ANKS1B: variants seen among roughly 807,000 people sequenced by gnomAD.
The protein encoded by ANKS1B is ankyrin repeat and sterile alpha motif domain containing 1B, also known as ankyrin repeat and sterile alpha motif domain-containing protein 1B.
Under a neutral mutation model 148.3 loss-of-function variants are expected in ANKS1B, and 36 were observed. That is an observed-to-expected ratio of 0.24 (90% CI 0.19 to 0.32). The LOEUF is 0.32. Ranked by LOEUF, ANKS1B falls within the 10% of genes least tolerant of loss-of-function variation. The pLI is 1.00. For missense variants in ANKS1B, 1,157 were observed against 1,542.6 expected, an observed-to-expected ratio of 0.75 and a Z score of 4.19; for synonymous variants, 542 against 560.8, an observed-to-expected ratio of 0.97 and a Z score of 0.47.
intron 9 of ANKS1B, among the ~76,000 whole-genome samples, chr12:99,604,290 T>C (rs1003505649): frequency 1.3e-5 from 2 of 152,206 alleles, no homozygotes; most frequent in Non-Finnish European, 2.9e-5. Flanking sequence ...TCCATAGATA[T>C]AACTTACAGG....
At chr12:99,659,161 C>T (rs1288703994) in intron 8 of ANKS1B, among the ~76,000 whole-genome samples, 1 of 152,020 alleles carries the variant, frequency 6.6e-6, no homozygotes, top group East Asian at 1.9e-4. Flanking sequence ...AGCACTGCCC[C>T]CTAAAGACAG....
intron 17 of ANKS1B, among the ~76,000 whole-genome samples, chr12:98,882,487 G>A (rs574285593): frequency 6.6e-6 from 1 of 152,260 alleles, no homozygotes; most frequent in South Asian, 2.1e-4. Flanking sequence ...AGCTATTGCT[G>A]CTTTGCTAGA....
chr12:99,343,550 C>T (rs2090236541), intron 12 of ANKS1B, among the ~76,000 whole-genome samples: 1 of 151,914 alleles, frequency 6.6e-6, no homozygotes, highest in South Asian at 2.1e-4. Flanking sequence ...TTAATTATTG[C>T]TCTCCTCTCA....
intron 4 of ANKS1B, among the ~76,000 whole-genome samples, chr12:99,802,756 T>TA (rs1029454049): frequency 6.6e-6 from 1 of 151,466 alleles, no homozygotes; most frequent in Non-Finnish European, 1.5e-5. Context: ...CTACAAAAAC[T>TA]AAAAAAATTA....
chr12:99,866,794 G>A (rs908947007), intron 1 of ANKS1B, among the ~76,000 whole-genome samples: 1 of 152,092 alleles, frequency 6.6e-6, no homozygotes, highest in African/African-American at 2.4e-5. Context: ...TATAGAAATT[G>A]AGAAATCTGA....
At chr12:99,768,755 G>A (rs945692123) in intron 8 of ANKS1B, among the ~76,000 whole-genome samples, 5 of 151,254 alleles carry the variant, frequency 3.3e-5, no homozygotes, top group African/African-American at 1.2e-4. Context: ...GAACCCCGGA[G>A]GCGGAGGTTG....
At chr12:99,756,177 T>C (rs1357248703) in intron 8 of ANKS1B, among the ~76,000 whole-genome samples, 1 of 120,014 alleles carries the variant, frequency 8.3e-6, no homozygotes, top group Non-Finnish European at 1.8e-5. Context: ...GATGACATGA[T>C]CCATATCTAG....
At chr12:99,033,129 TAA>T (rs1384558250) in intron 17 of ANKS1B, among the ~76,000 whole-genome samples, 1 of 152,192 alleles carries the variant, frequency 6.6e-6, no homozygotes, top group Non-Finnish European at 1.5e-5. Context: ...GGTGAACCTT[TAA>T]AAATGCATGC....
chr12:99,086,075 T>C (rs2051674241), intron 15 of ANKS1B, among the ~76,000 whole-genome samples: 1 of 152,130 alleles, frequency 6.6e-6, no homozygotes, highest in African/African-American at 2.4e-5. Flanking sequence ...GAATGATGAA[T>C]ATGATGCAGG....
chr12:99,107,927 C>T (rs546915418), intron 15 of ANKS1B, among the ~76,000 whole-genome samples: 8 of 152,070 alleles, frequency 5.3e-5, no homozygotes, highest in Non-Finnish European at 1.0e-4. Flanking sequence ...TAAACCATAG[C>T]GACATTACAC....
intron 17 of ANKS1B, among the ~76,000 whole-genome samples, chr12:98,964,631 G>A (rs1184320268): frequency 3.9e-5 from 6 of 152,298 alleles, no homozygotes; most frequent in Non-Finnish European, 8.8e-5. Context: ...CCATAAAAAG[G>A]AATTAGCTCT....
At chr12:98,948,106 C>T (rs992365663) in intron 17 of ANKS1B, among the ~76,000 whole-genome samples, 2 of 152,064 alleles carry the variant, frequency 1.3e-5, no homozygotes, top group African/African-American at 4.8e-5. Flanking sequence ...TAACGCAGAA[C>T]CTGCTGTTAG....
At chr12:99,941,789 G>T (rs2094926092) in intron 1 of ANKS1B, among the ~76,000 whole-genome samples, 1 of 152,132 alleles carries the variant, frequency 6.6e-6, no homozygotes, top group African/African-American at 2.4e-5. Flanking sequence ...AGCCCTTTCA[G>T]AATAACACAA....
chr12:98,890,104 G>A (rs2099749146), intron 17 of ANKS1B, among the ~76,000 whole-genome samples: 1 of 152,222 alleles, frequency 6.6e-6, no homozygotes, highest in Non-Finnish European at 1.5e-5. Context: ...TTCCAAGACA[G>A]CTTGGTTCCT....
chr12:98,935,196 T>C (rs956685611), intron 17 of ANKS1B, among the ~76,000 whole-genome samples: 2 of 152,208 alleles, frequency 1.3e-5, no homozygotes, highest in African/African-American at 4.8e-5. Flanking sequence ...TCAAAGGATG[T>C]TGAATTTTGT....
intron 1 of ANKS1B, among the ~76,000 whole-genome samples, chr12:99,976,885 C>T (rs1440129829): frequency 6.6e-6 from 1 of 152,200 alleles, no homozygotes; most frequent in Non-Finnish European, 1.5e-5. Context: ...TTGTGATTCA[C>T]ATTTCTGGAT....
At chr12:98,770,297 A>G (rs2098549385) in intron 25 of ANKS1B, among the ~76,000 whole-genome samples, 1 of 152,252 alleles carries the variant, frequency 6.6e-6, no homozygotes, top group South Asian at 2.1e-4. Flanking sequence ...CGTTCTTTCT[A>G]TGACATCAAT....
intron 8 of ANKS1B, among the ~76,000 whole-genome samples, chr12:99,747,910 C>A (rs181717722): frequency 4.6e-5 from 7 of 152,090 alleles, no homozygotes; most frequent in Admixed American, 2.6e-4. Context: ...CATGAGTACA[C>A]CTAAAATCTG....
intron 10 of ANKS1B, among the ~76,000 whole-genome samples, chr12:99,468,970 G>A (rs1201702275): frequency 2.6e-5 from 4 of 152,144 alleles, no homozygotes; most frequent in Admixed American, 2.0e-4. Context: ...AAATCATGCT[G>A]CTATAAAGAC....
Sources: allele counts gnomAD v4.1 joint callset (sites outside exome capture counted in the v4.1 genomes callset), GRCh38; gene constraint gnomAD v4.1.1; transcripts MANE v1.5; gene names NCBI Gene and HGNC (gene_info 2026-07-23, HGNC 2026-07-21).